Variants in ITGB6 observed in about 807,000 individuals in gnomAD.
The protein encoded by ITGB6 is integrin subunit beta 6.
Under a neutral mutation model 84.5 loss-of-function variants are expected in ITGB6, and 80 were observed. The ratio of observed to expected loss-of-function variants is 0.95; its 90% CI spans 0.79 to 1.14. The LOEUF (loss-of-function observed/expected upper bound fraction) is 1.14, where lower values mean the gene tolerates loss of function less well. Among genes scored for constraint, ITGB6 ranks in the 50% most tolerant of loss-of-function variants. The pLI is 0.00. For missense variants in ITGB6, 1,006 were observed against 968.0 expected, an observed-to-expected ratio of 1.04 and a Z score of -0.52; for synonymous variants, 383 against 354.9, an observed-to-expected ratio of 1.08 and a Z score of -0.89.
At chr2:160,108,775 C>T (rs1309400198) in intron 13 of ITGB6, among the ~76,000 whole-genome samples, 1 of 152,152 alleles carries the variant, frequency 6.6e-6, no homozygotes, top group Admixed American at 6.5e-5. Context: ...CTTGAATATT[C>T]TATGAAATGT....
At chr2:160,187,245 C>T (rs1685937246) in intron 4 of ITGB6, among the ~76,000 whole-genome samples, 1 of 152,024 alleles carries the variant, frequency 6.6e-6, no homozygotes, top group Non-Finnish European at 1.5e-5. Flanking sequence ...CTGCATAGCT[C>T]ACTGAATCAA....
intron 7 of ITGB6, among the ~76,000 whole-genome samples, chr2:160,147,473 A>G (rs946214314): frequency 1.3e-5 from 2 of 152,238 alleles, no homozygotes; most frequent in African/African-American, 2.4e-5. Flanking sequence ...GTGGATATGA[A>G]CAAACTGATT....
In ITGB6 at chr2:160,142,072, C is replaced by G. The variant is rs1478663092; in HGVS notation, c.1018-1G>C. ...CTCCAGGAATAAGTTTTGCGTAATT[C>G]TGTAAACAGAAAAAGAGTAAGTCAA... On this transcript the variant is annotated splice_acceptor_variant, in intron 7 of 14. Transcript: ENST00000283249. LOFTEE classifies it high-confidence loss of function. 6.3e-7 allele frequency: 1 copy of G among 1,575,564 alleles called. No individual in the cohort carries two copies. The highest frequency in any genetic ancestry group is 1.1e-5 in the South Asian group (1 of 87,302).
At chr2:160,143,331 AT>A (rs1168320252) in intron 7 of ITGB6, among the ~76,000 whole-genome samples, 1 of 152,196 alleles carries the variant, frequency 6.6e-6, no homozygotes, top group Admixed American at 6.5e-5. Context: ...TTCTGTAATC[AT>A]CAAAGGCTTT....
chr2:160,104,306 T>C (rs541139076), intron 14 of ITGB6, among the ~76,000 whole-genome samples: 1 of 152,334 alleles, frequency 6.6e-6, no homozygotes, highest in South Asian at 2.1e-4. Context: ...CATTGGGTTT[T>C]GTTCCAGGAG....
intron 7 of ITGB6, among the ~76,000 whole-genome samples, chr2:160,168,169 C>A (rs1356956210): frequency 6.6e-6 from 1 of 152,150 alleles, no homozygotes; most frequent in Non-Finnish European, 1.5e-5. Context: ...GCAATCTCAC[C>A]TGGGAGTACA....
At chr2:160,184,149 T>C (rs554920218) in intron 4 of ITGB6, among the ~76,000 whole-genome samples, 10 of 151,660 alleles carry the variant, frequency 6.6e-5, no homozygotes, top group African/African-American at 2.2e-4. Context: ...CTGAAGGAGA[T>C]AGAGACACAA....
intron 14 of ITGB6, among the ~76,000 whole-genome samples, chr2:160,102,928 A>G (rs1696778618): frequency 6.6e-6 from 1 of 152,216 alleles, no homozygotes; most frequent in Admixed American, 6.5e-5. Context: ...CAAATGCTCC[A>G]TAAATGCTGC....
At position 160,172,594 on chromosome 2, in the gene ITGB6, T is replaced by C. The variant is rs746639859; in HGVS notation, c.896A>G (p.Asn299Ser). 1.5e-5 allele frequency: 24 copies of C among 1,608,376 alleles called. No homozygotes were observed. Among genetic ancestry groups the C allele is most frequent in the East Asian group, 6.7e-5 (3 of 44,740 alleles). The change falls in exon 6 of 15, where the codon AAT (asparagine) becomes AGT (serine). Residue 299 changes from asparagine to serine, a missense_variant. Coordinates refer to ENST00000283249, the MANE Select transcript of ITGB6 (RefSeq NM_000888.5). ...CAAGACAGTTGACATGGAGTATTCA[T>C]TCTTGCTGTCCAAGTGACAGAGCCC... is the stretch of plus-strand genomic sequence containing the variant. ...NDGLCHLDSKNEYSMSTVLEY... is the reference protein window; with the variant it reads ...NDGLCHLDSKSEYSMSTVLEY...
intron 7 of ITGB6, among the ~76,000 whole-genome samples, chr2:160,151,741 G>A (rs1179032344): frequency 6.6e-6 from 1 of 151,602 alleles, no homozygotes; most frequent in African/African-American, 2.4e-5. Context: ...TAAAATAGAT[G>A]CAACAAAAAA....
intron 7 of ITGB6, among the ~76,000 whole-genome samples, chr2:160,166,115 T>C (rs529280536): frequency 6.6e-6 from 1 of 152,208 alleles, no homozygotes; most frequent in Non-Finnish European, 1.5e-5. Context: ...GTTTTTTGTC[T>C]CCAGAGGAAA....
chr2:160,152,001 C>T (rs527361350), intron 7 of ITGB6, among the ~76,000 whole-genome samples: 15 of 152,206 alleles, frequency 9.9e-5, no homozygotes, highest in East Asian at 5.8e-4. Flanking sequence ...AATTCACAGC[C>T]GAATTCTAAC....
chr2:160,112,344 TC>T, intron 12 of ITGB6, 145 bp from the exon 13 acceptor site: 11 of 750,610 alleles, frequency 1.5e-5, no homozygotes, highest in African/African-American at 1.8e-5. Context: ...TTTTTTTTTT[TC>T]TCATGAAGTG....
intron 4 of ITGB6, among the ~76,000 whole-genome samples, chr2:160,183,910 A>C (rs1478139216): frequency 6.6e-6 from 1 of 152,234 alleles, no homozygotes; most frequent in Non-Finnish European, 1.5e-5. Flanking sequence ...AGGCAGAAAT[A>C]AAGAAGTTCT....
At chr2:160,133,966 A>G (rs1196552249) in intron 10 of ITGB6, among the ~76,000 whole-genome samples, 1 of 152,222 alleles carries the variant, frequency 6.6e-6, no homozygotes, top group African/African-American at 2.4e-5. Flanking sequence ...AAGATCTAAA[A>G]CTGACACCCT....
At chr2:160,179,061 A>G (rs890350610) in intron 4 of ITGB6, 1 of 152,072 alleles carries the variant, frequency 6.6e-6, no homozygotes, top group Non-Finnish European at 1.5e-5. Flanking sequence ...CTCTCACCAA[A>G]TTACTTGATT....
In ITGB6 at chr2:160,101,478, T is replaced by C. The variant is rs139102815; in HGVS notation, c.*258A>G. On this transcript the variant is annotated 3_prime_UTR_variant, in exon 15 of 15. Transcript: ENST00000283249. ...AGGCCCCCATGAATCATTTGATGAT[T>C]TTTTGAAGCATTAATGCAACAGAGT... The C allele has an allele frequency of 2.7e-6, 1 of 375,146 alleles. No homozygotes were observed. Among genetic ancestry groups the C allele is most frequent in the African/African-American group, 2.1e-5 (1 of 46,606 alleles). The allele number at this position is 375,146 out of a possible 1,614,324, so 23.2% of individuals were successfully genotyped here. A position where few individuals can be genotyped will look rare whatever the true frequency, so the allele number is the denominator to read the frequency against.
chr2:160,191,494 A>T (rs962029279), intron 4 of ITGB6, among the ~76,000 whole-genome samples: 1 of 152,206 alleles, frequency 6.6e-6, no homozygotes, highest in African/African-American at 2.4e-5. Context: ...AAAAAAACTT[A>T]CCAAGCAAGG....
chr2:160,194,515 G>C (rs796924689), intron 4 of ITGB6, among the ~76,000 whole-genome samples: 1 of 151,900 alleles, frequency 6.6e-6, no homozygotes, highest in Non-Finnish European at 1.5e-5. Flanking sequence ...ATGTGGCCCT[G>C]GGCAAATAGC....
Sources: allele counts gnomAD v4.1 joint callset (sites outside exome capture counted in the v4.1 genomes callset), GRCh38; gene constraint gnomAD v4.1.1; transcripts MANE v1.5; gene names NCBI Gene and HGNC (gene_info 2026-07-23, HGNC 2026-07-21).